SPON1: variants seen among roughly 807,000 people sequenced by gnomAD.
The protein encoded by SPON1 is spondin 1, also known as spondin-1.
A neutral mutation model predicts 111.7 loss-of-function variants in SPON1; 52 were observed. The ratio of observed to expected loss-of-function variants is 0.47; its 90% CI spans 0.37 to 0.59. The LOEUF is 0.59. Among genes scored for constraint, SPON1 ranks in the 20% least tolerant of loss-of-function variants. SPON1 has a pLI of 0.00. For missense variants in SPON1, 957 were observed against 1,068.5 expected (o/e 0.90, Z 1.46); for synonymous variants, 410 against 395.8 (o/e 1.04, Z -0.43).
intron 6 of SPON1, among the ~76,000 whole-genome samples, chr11:14,189,809 G>A (rs1848325633): frequency 1.3e-5 from 2 of 152,096 alleles, no homozygotes; most frequent in Admixed American, 6.5e-5. Context: ...ACTGCTTCGT[G>A]GAATCCCTCA....
chr11:14,041,627 C>A lies in SPON1; in HGVS notation c.452C>A (p.Pro151Gln), dbSNP rs782124205. 6 of 1,613,818 alleles carry A rather than the reference C, an allele frequency of 3.7e-6. No homozygotes were observed. The highest frequency in any genetic ancestry group is 5.1e-6 in the Non-Finnish European group (6 of 1,179,848). The change falls in exon 3 of 16, where the codon CCA (proline) becomes CAA (glutamine). Residue 151 changes from proline (P) to glutamine (Q), a missense_variant. Transcript: ENST00000576479. ...ATCCAGGTGTTTTGGATAGCACCAC[C>A]AGCGGGAACAGGCTGCGTGATTCTG... is the stretch of plus-strand genomic sequence containing the variant. ...TRIQVFWIAP[P>Q]AGTGCVILKA...
At position 14,100,727 on chromosome 11, in the gene SPON1, C is replaced by T. The variant is rs558913214; in HGVS notation, c.676+20706C>T. ...AAACATTACTAAAGTGTTGTTCACC[C>T]ATAGCTCTTTAGCATTTTTCTTATT... is the stretch of plus-strand genomic sequence containing the variant. On this transcript the variant is annotated intron_variant, in intron 5 of 15. Transcript: ENST00000576479. Among the ~76,000 whole-genome samples, 10 of 152,270 alleles carry T rather than the reference C, an allele frequency of 6.6e-5. No homozygotes were observed. The South Asian group carries it at 1.9e-3, about 28-fold the overall frequency.
intron 2 of SPON1, among the ~76,000 whole-genome samples, chr11:14,004,740 C>T (rs1479658084): frequency 1.3e-5 from 2 of 151,992 alleles, no homozygotes; most frequent in East Asian, 3.9e-4. Context: ...ATATTAACTC[C>T]TTATCAGATA....
intron 6 of SPON1, among the ~76,000 whole-genome samples, chr11:14,161,781 T>C (rs1847968385): frequency 6.6e-6 from 1 of 152,288 alleles, no homozygotes; most frequent in African/African-American, 2.4e-5. Flanking sequence ...GAATGGGTAT[T>C]GCTTTTATAC....
chr11:14,153,836 G>A (rs976691109), intron 6 of SPON1, among the ~76,000 whole-genome samples: 5 of 152,114 alleles, frequency 3.3e-5, no homozygotes, highest in South Asian at 4.1e-4. Context: ...TACAATGAGG[G>A]TAAAGGCATT....
At chr11:14,085,131 T>G (rs1175311110) in intron 5 of SPON1, among the ~76,000 whole-genome samples, 15 of 152,186 alleles carry the variant, frequency 9.9e-5, no homozygotes, top group Admixed American at 9.8e-4. Context: ...TTTGCTGTGA[T>G]GAAGCTCTTT....
chr11:14,160,955 ATATATATTTATATATATTTT>A (rs1564919808), intron 6 of SPON1, among the ~76,000 whole-genome samples: 1,012 of 46,726 alleles, frequency 0.022, 68 homozygotes, highest in South Asian at 0.031. Flanking sequence ...TTATATATTT[ATATATATTTATATATATTTT>A]TATATATTTA....
chr11:14,263,189 G>T lies in SPON1; in HGVS notation c.2260+214G>T, dbSNP rs921044793. ...TTTATAAAGGAGATTGGCGGTGGGG[G>T]TCATTTATCAAAGAACATTTAGATA... On this transcript the variant is annotated intron_variant, in intron 15 of 15. Transcript: ENST00000576479. The T allele has an allele frequency of 2.2e-5, 12 of 550,750 alleles. No homozygotes were observed. The South Asian group carries it at 3.7e-4, about 17-fold the overall frequency. The allele number at this position is 550,750 out of a possible 1,614,324, so 34.1% of individuals were successfully genotyped here.
chr11:14,195,178 T>C (rs1041931204), intron 6 of SPON1, among the ~76,000 whole-genome samples: 3 of 152,234 alleles, frequency 2.0e-5, no homozygotes, highest in African/African-American at 7.2e-5. Flanking sequence ...ATGTTTTCTT[T>C]TCAACTTCTA....
intron 5 of SPON1, among the ~76,000 whole-genome samples, chr11:14,108,986 C>G (rs1554925166): frequency 2.0e-5 from 3 of 152,106 alleles, no homozygotes; most frequent in African/African-American, 7.2e-5. Context: ...GGTAAGGAAA[C>G]CATTTAATTG....
At chr11:13,997,322 CTT>C (rs1346171246) in intron 2 of SPON1, among the ~76,000 whole-genome samples, 16 of 152,168 alleles carry the variant, frequency 1.1e-4, no homozygotes, top group Admixed American at 9.2e-4. Context: ...TGTGGAAAGA[CTT>C]TGGGTTTTGG....
chr11:14,089,154 T>G (rs1224893277), intron 5 of SPON1, among the ~76,000 whole-genome samples: 1 of 152,138 alleles, frequency 6.6e-6, no homozygotes, highest in Non-Finnish European at 1.5e-5. Flanking sequence ...TCATTCTCCA[T>G]CCAGTTTTGT....
rs187668962 is a variant in SPON1, at chr11:14,081,472, G to A, written c.676+1451G>A. ...GTGGATAAGTTTACTGGGGAGGAGA[G>A]AGATGTCATGATTTGCCCACATTGA... is the stretch of plus-strand genomic sequence containing the variant. On this transcript the variant is annotated intron_variant, in intron 5 of 15. Coordinates refer to ENST00000576479, the MANE Select transcript of SPON1 (RefSeq NM_006108.4). 3.3e-5 allele frequency among the ~76,000 whole-genome samples: 5 copies of A among 152,230 alleles called. No individual in the cohort carries two copies. The East Asian group carries it at 9.7e-4, about 29-fold the overall frequency.
chr11:14,015,979 GT>G (rs1401607784), intron 2 of SPON1, among the ~76,000 whole-genome samples: 2 of 152,196 alleles, frequency 1.3e-5, no homozygotes, highest in East Asian at 3.8e-4. Context: ...TCTTCTCATG[GT>G]TCAGTGCAGA....
At chr11:13,998,957 G>A (rs1333541412) in intron 2 of SPON1, among the ~76,000 whole-genome samples, 1 of 152,110 alleles carries the variant, frequency 6.6e-6, no homozygotes, top group African/African-American at 2.4e-5. Context: ...AAGCCAATAA[G>A]TTCCTGTGGC....
intron 6 of SPON1, among the ~76,000 whole-genome samples, chr11:14,186,388 A>T (rs1554934072): frequency 1.3e-5 from 2 of 152,324 alleles, no homozygotes; most frequent in East Asian, 3.9e-4. Flanking sequence ...TGTGGGCCAG[A>T]TAGGATTTGG....
chr11:14,008,865 C>T (rs368337124), intron 2 of SPON1, among the ~76,000 whole-genome samples: 13 of 152,210 alleles, frequency 8.5e-5, no homozygotes, highest in African/African-American at 3.1e-4. Context: ...AATTTAAAAA[C>T]CTTACAACAA....
At chr11:13,968,175 TG>T (rs1216879091) in intron 1 of SPON1, among the ~76,000 whole-genome samples, 4 of 152,276 alleles carry the variant, frequency 2.6e-5, no homozygotes, top group Non-Finnish European at 4.4e-5. Context: ...TGTTGTGAGG[TG>T]GGGGGACTCT....
intron 5 of SPON1, among the ~76,000 whole-genome samples, chr11:14,114,595 G>A (rs571410876): frequency 5.3e-5 from 8 of 152,100 alleles, no homozygotes; most frequent in Admixed American, 5.2e-4. Flanking sequence ...TCCTGTGATT[G>A]CCACCCTCCA....
Sources: allele counts gnomAD v4.1 joint callset (sites outside exome capture counted in the v4.1 genomes callset), GRCh38; gene constraint gnomAD v4.1.1; transcripts MANE v1.5; gene names NCBI Gene and HGNC (gene_info 2026-07-23, HGNC 2026-07-21).